The following STRAP variants were observed in gnomAD, a reference collection of about 807,000 sequenced individuals.
STRAP encodes the protein serine-threonine kinase receptor-associated protein.
A neutral mutation model predicts 47.0 loss-of-function variants in STRAP; 16 were observed. That is an observed-to-expected ratio of 0.34 (90% CI 0.23 to 0.52). STRAP has a LOEUF of 0.52. Among genes scored for constraint, STRAP ranks in the 20% least tolerant of loss-of-function variants. STRAP has a pLI of 0.96. For missense variants in STRAP, 293 were observed against 420.0 expected, an observed-to-expected ratio of 0.70 and a Z score of 2.64; for synonymous variants, 130 against 142.7, an observed-to-expected ratio of 0.91 and a Z score of 0.63.
In STRAP at chr12:15,900,042, G is replaced by A; in HGVS notation, c.914G>A (p.Cys305Tyr). 6.2e-7 allele frequency: 1 copy of A among 1,609,570 alleles called. No individual in the cohort carries two copies. Among genetic ancestry groups the A allele is most frequent in the Non-Finnish European group, 8.5e-7 (1 of 1,178,592 alleles). The change falls in exon 8 of 10, where the codon TGT becomes TAT. Residue 305 changes from cysteine to tyrosine, a missense_variant. Physicochemically the swap from Cys to Tyr is radical, Grantham distance 194. Around this residue, in one of 5 missense-constraint regions of STRAP, gnomAD observed 26 missense variants for 76.7 expected, o/e 0.34. Transcript: ENST00000419869. ...VVGKTYGLWKCVLPEEDSGEL... is the reference protein window; with the variant it reads ...VVGKTYGLWKYVLPEEDSGEL... ...GGAAAAACGTATGGCCTTTGGAAATGTGTGCTTCCTGGTAAGAATTTTTAT... is the reference window on the plus strand; with the variant it reads ...GGAAAAACGTATGGCCTTTGGAAATATGTGCTTCCTGGTAAGAATTTTTAT...
rs1202414111 is a variant in STRAP at position 15,890,449 on chromosome 12, C to T, written c.331-148C>T. 3 of 694,232 alleles carry T rather than the reference C, an allele frequency of 4.3e-6. No individual in the cohort carries two copies. Among genetic ancestry groups the T allele is most frequent in the Non-Finnish European group, 7.5e-6 (3 of 399,314 alleles). The allele number at this position is 694,232 out of a possible 1,614,324, so 43.0% of individuals were successfully genotyped here. On this transcript the variant is annotated intron_variant, in intron 3 of 9. Transcript: ENST00000419869. This position sits in a 1 kb window ranked among gnomAD's most constrained non-coding sequence, Gnocchi z 4.5. Reference sequence around the variant, plus strand: ...CAGTTATGAGAGGTCAGCTGTTCCACAGTATCTTCTCAGAAGTAATTGGTT... The same window carrying T: ...CAGTTATGAGAGGTCAGCTGTTCCATAGTATCTTCTCAGAAGTAATTGGTT...
chr12:15,884,587 T>C (rs1443628502), intron 2 of STRAP, among the ~76,000 whole-genome samples: 1 of 152,064 alleles, frequency 6.6e-6, no homozygotes, highest in Admixed American at 6.5e-5. Context: ...TTAATACTTT[T>C]TACTATACAG....
At chr12:15,883,053 C>T (rs931272008) in intron 1 of STRAP, 5 of 1,535,348 alleles carry the variant, frequency 3.3e-6, no homozygotes, top group Non-Finnish European at 4.4e-6. Context: ...GACCTCTCTC[C>T]TTATTTTATT....
chr12:15,893,640 C>T (rs1948036340), intron 4 of STRAP, among the ~76,000 whole-genome samples: 1 of 146,300 alleles, frequency 6.8e-6, no homozygotes, highest in Non-Finnish European at 1.5e-5. Flanking sequence ...GTATATTATA[C>T]AATAATGCTT....
Position 15,883,946 on chromosome 12 carries a change from A to G in STRAP, c.248+270A>G, listed in dbSNP as rs1306339248. Among the ~76,000 whole-genome samples the G allele has an allele frequency of 6.6e-6, 1 of 152,220 alleles. No individual in the cohort carries two copies. The highest frequency in any genetic ancestry group is 1.5e-5 in the Non-Finnish European group (1 of 68,040). ...GAATCTGCATTAACAAACGCACCAG[A>G]TAATGAATGTTGATCTCCTTTACGA... On this transcript the variant is annotated intron_variant, in intron 2 of 9. Coordinates refer to ENST00000419869, the MANE Select transcript of STRAP (RefSeq NM_007178.4).
At chr12:15,895,318 C>A in intron 5 of STRAP, 41 bp from the exon 6 acceptor site, 1 of 1,421,140 alleles carries the variant, frequency 7.0e-7, no homozygotes, top group South Asian at 1.6e-5. Context: ...AAACTTTTTT[C>A]TTACATGAGT....
chr12:15,885,518 A>T (rs1947963566), intron 2 of STRAP, among the ~76,000 whole-genome samples: 1 of 138,260 alleles, frequency 7.2e-6, no homozygotes, highest in Non-Finnish European at 1.5e-5. Flanking sequence ...ACAACCTCAC[A>T]CTAAGGAGCA....
At chr12:15,897,730 TTTG>T in intron 6 of STRAP, 149 bp from the exon 7 acceptor site, 17 of 480,582 alleles carry the variant, frequency 3.5e-5, no homozygotes, top group South Asian at 2.0e-4. Context: ...TTTTTTTTTT[TTTG>T]CTAACAGCTT....
chr12:15,895,060 A>G (rs976038552), intron 5 of STRAP, among the ~76,000 whole-genome samples: 6 of 152,228 alleles, frequency 3.9e-5, no homozygotes, highest in Admixed American at 6.5e-5. Context: ...AAGAACCACT[A>G]TTTATAGCAA....
intron 4 of STRAP, among the ~76,000 whole-genome samples, chr12:15,892,656 T>TA (rs1267171432): frequency 6.6e-6 from 1 of 152,240 alleles, no homozygotes; most frequent in African/African-American, 2.4e-5. Flanking sequence ...AGTAATTTGT[T>TA]ATGAAAACAT....
Position 15,900,963 on chromosome 12 carries a change from G to A in STRAP, c.942G>A (p.Glu314=). 2 of 1,594,840 alleles carry A rather than the reference G, an allele frequency of 1.3e-6. No individual in the cohort carries two copies. Among genetic ancestry groups the A allele is most frequent in the South Asian group, 1.1e-5 (1 of 87,400 alleles). ...TTTTTACAGAAGAAGATAGTGGTGA[G>A]CTGGCAAAGCCAAAGATTGGTTTTC... ...KCVLPEEDSG[E]LAKPKIGFPE... is the part of the protein sequence containing the mutation. The change falls in exon 9 of 10, where the codon GAG becomes GAA. Residue 314 remains glutamate, a synonymous_variant. Transcript: ENST00000419869.
intron 4 of STRAP, among the ~76,000 whole-genome samples, chr12:15,893,312 G>T (rs1197083117): frequency 6.6e-6 from 1 of 151,378 alleles, no homozygotes; most frequent in Non-Finnish European, 1.5e-5. Context: ...AAACGTCCCA[G>T]AGTTAGCCAT....
intron 7 of STRAP, among the ~76,000 whole-genome samples, 173 bp from the exon 8 acceptor site, chr12:15,899,731 G>A (rs1948088271): frequency 1.3e-5 from 2 of 152,160 alleles, no homozygotes; most frequent in African/African-American, 2.4e-5. Flanking sequence ...ATCTTACAGA[G>A]AAAGGGTCAA....
chr12:15,900,903 T>G (rs944465751), intron 8 of STRAP, 44 bp from the exon 9 acceptor site: 2 of 1,483,062 alleles, frequency 1.3e-6, no homozygotes, highest in African/African-American at 2.8e-5. Flanking sequence ...GAAATTACTT[T>G]AATAGTGTAA....
In STRAP at chr12:15,896,596, A is replaced by G. The variant is rs989004843; in HGVS notation, c.638+1100A>G. 1.3e-5 allele frequency among the ~76,000 whole-genome samples: 2 copies of G among 152,118 alleles called. No homozygotes were observed. The highest frequency in any genetic ancestry group is 2.9e-5 in the Non-Finnish European group (2 of 68,014). On this transcript the variant is annotated intron_variant, in intron 6 of 9. Transcript: ENST00000419869. The surrounding 1 kb of genome is among the most constrained non-coding windows in gnomAD (Gnocchi z 4.1). ...TGAATACCATTTTGATTTGTTTAAA[A>G]ATATTGTTAGCCATTTAAAACTTCT...
In STRAP at chr12:15,882,474, C is replaced by A; in HGVS notation, c.-234C>A. The A allele has an allele frequency of 1.9e-6, 1 of 539,478 alleles. No individual in the cohort carries two copies. The highest frequency in any genetic ancestry group is 3.3e-6 in the Non-Finnish European group (1 of 301,812). The allele number at this position is 539,478 out of a possible 1,614,324, so 33.4% of individuals were successfully genotyped here. On this transcript the variant is annotated 5_prime_UTR_variant, in exon 1 of 10. Transcript: ENST00000419869. ...CTTCTCCCCATCCCCTACTTTCCTC[C>A]CTCCCTCCCTTTCCCTCCCTCGTCG...
Position 15,890,141 on chromosome 12 carries a change from A to G in STRAP, c.330+132A>G, listed in dbSNP as rs1049529957. The G allele has an allele frequency of 2.3e-5, 19 of 839,588 alleles. No individual in the cohort carries two copies. In the East Asian group the frequency reaches 3.5e-4, roughly 15 times the overall value. 52.0% of individuals were successfully genotyped at this position (839,588 alleles called of 1,614,324 possible). ...GAATATTTGTTATTTCTTGGTTCAT[A>G]TTTGATTTGATTGTGTATTAAGCTC... On this transcript the variant is annotated intron_variant, in intron 3 of 9. Coordinates refer to ENST00000419869, the MANE Select transcript of STRAP (RefSeq NM_007178.4). This position sits in a 1 kb window ranked among gnomAD's most constrained non-coding sequence, Gnocchi z 4.5.
rs188841935 is a variant in STRAP, at chr12:15,893,526, A to T, written c.404-521A>T. 8.8e-3 allele frequency among the ~76,000 whole-genome samples: 1,289 copies of T among 146,564 alleles called. 20 individuals are homozygous for T. Among genetic ancestry groups the T allele is most frequent in the African/African-American group, 0.03 (1,206 of 40,344 alleles). ...TACATATAATAAATATATACTTTTTATTTATTATACAATAATGCTTTTATA... is the reference window on the plus strand; with the variant it reads ...TACATATAATAAATATATACTTTTTTTTTATTATACAATAATGCTTTTATA... On this transcript the variant is annotated intron_variant, in intron 4 of 9. Coordinates refer to ENST00000419869, the MANE Select transcript of STRAP (RefSeq NM_007178.4).
chr12:15,895,275 G>T, intron 5 of STRAP, 84 bp from the exon 6 acceptor site: 2 of 1,041,976 alleles, frequency 1.9e-6, no homozygotes, highest in Non-Finnish European at 2.7e-6. Flanking sequence ...TTGTTCTTTC[G>T]TTGGCTAATC....
Sources: allele counts gnomAD v4.1 joint callset (sites outside exome capture counted in the v4.1 genomes callset), GRCh38; gene constraint gnomAD v4.1.1; regional missense constraint gnomAD v4.1.1; non-coding constraint Gnocchi (gnomAD v3.1); transcripts MANE v1.5; gene names NCBI Gene and HGNC (gene_info 2026-07-23, HGNC 2026-07-21).